Variants in LRRC75A observed in about 807,000 individuals in gnomAD.
LRRC75A encodes leucine rich repeat containing 75A.
A neutral mutation model predicts 26.0 loss-of-function variants in LRRC75A; 12 were observed. The ratio of observed to expected loss-of-function variants is 0.46; its 90% CI spans 0.30 to 0.75. The LOEUF is 0.75. Ranked by LOEUF, LRRC75A falls within the 30% of genes least tolerant of loss-of-function variation. The probability of loss-of-function intolerance (pLI) is 0.08; values close to 1 mark genes in which losing one functional copy is unlikely to be tolerated. For missense variants in LRRC75A, 410 were observed against 486.6 expected, an observed-to-expected ratio of 0.84 and a Z score of 1.48; for synonymous variants, 223 against 219.3, an observed-to-expected ratio of 1.02 and a Z score of -0.15.
intron 1 of LRRC75A, among the ~76,000 whole-genome samples, chr17:16,482,984 G>T (rs1217488639): frequency 1.3e-5 from 2 of 152,214 alleles, no homozygotes; most frequent in African/African-American, 2.4e-5. Flanking sequence ...AGGCTGGAGT[G>T]GGGACAGGCT....
At chr17:16,481,146 G>A (rs139840722) in intron 1 of LRRC75A, among the ~76,000 whole-genome samples, 45 of 152,344 alleles carry the variant, frequency 3.0e-4, no homozygotes, top group African/African-American at 9.1e-4. Context: ...GGACATTAGA[G>A]CCTCAGCGCT....
intron 3 of LRRC75A, among the ~76,000 whole-genome samples, chr17:16,445,185 TGAG>T (rs2093572860): frequency 1.1e-5 from 1 of 88,626 alleles, no homozygotes; most frequent in Admixed American, 1.1e-4. Context: ...TTTTTTTTTT[TGAG>T]ACAGTCTTGT....
At chr17:16,476,148 T>C (rs2093819215) in intron 1 of LRRC75A, among the ~76,000 whole-genome samples, 2 of 151,988 alleles carry the variant, frequency 1.3e-5, no homozygotes, top group African/African-American at 4.8e-5. Context: ...TGAGCTGAGA[T>C]TGCACCACTG....
Position 16,443,171 on chromosome 17 carries a change from G to GT in LRRC75A, c.*416dup, listed in dbSNP as rs2093548462. 1.2e-5 allele frequency: 2 copies of GT among 167,364 alleles called. No homozygotes were observed. Among genetic ancestry groups the GT allele is most frequent in the African/African-American group, 4.8e-5 (2 of 42,052 alleles). The allele number at this position is 167,364 out of a possible 1,614,324, so 10.4% of individuals were successfully genotyped here. A position where few individuals can be genotyped will look rare whatever the true frequency, so the allele number is the denominator to read the frequency against. On this transcript the variant is annotated 3_prime_UTR_variant, in exon 4 of 4. Transcript: ENST00000470794. Reference sequence around the variant, plus strand: ...GGACACATTCCTCTGGTTGGAGCTTGTTCCCCTAAATGAAAAATGTAATGC... The same window carrying GT: ...GGACACATTCCTCTGGTTGGAGCTTGTTTCCCCTAAATGAAAAATGTAATGC...
At chr17:16,484,226 C>T (rs1057256874) in intron 1 of LRRC75A, among the ~76,000 whole-genome samples, 1 of 152,136 alleles carries the variant, frequency 6.6e-6, no homozygotes, top group Non-Finnish European at 1.5e-5. Context: ...ATCCCAGCTA[C>T]TCAGGAGGCT....
intron 2 of LRRC75A, among the ~76,000 whole-genome samples, chr17:16,453,334 GCACACACGCACACGCA>G (rs2093650735): frequency 1.5e-5 from 2 of 133,320 alleles, no homozygotes; most frequent in Non-Finnish European, 3.3e-5. Context: ...ACACGCACAC[GCACACACGCACACGCA>G]CACACACACA....
intron 3 of LRRC75A, among the ~76,000 whole-genome samples, chr17:16,444,852 A>ATT (rs5819573): frequency 0.014 from 1,807 of 132,424 alleles, 48 homozygotes; most frequent in African/African-American, 0.044. Context: ...CATTTTCCAC[A>ATT]TTTTTTTTTT....
At chr17:16,454,922 CTT>C (rs2093664459) in intron 2 of LRRC75A, among the ~76,000 whole-genome samples, 4 of 150,720 alleles carry the variant, frequency 2.7e-5, no homozygotes, top group African/African-American at 9.7e-5. Flanking sequence ...CTTTTCTTTT[CTT>C]TTCTTTTCTT....
chr17:16,456,502 G>A (rs111923139), intron 2 of LRRC75A, among the ~76,000 whole-genome samples: 4 of 152,190 alleles, frequency 2.6e-5, no homozygotes, highest in African/African-American at 9.6e-5. Context: ...GGAAGAGGAG[G>A]AGGAAGCTGG....
chr17:16,467,499 C>T (rs1377741051), intron 1 of LRRC75A, among the ~76,000 whole-genome samples: 2 of 152,202 alleles, frequency 1.3e-5, no homozygotes, highest in African/African-American at 2.4e-5. Flanking sequence ...GGAAGTCACC[C>T]AGTACATGTT....
chr17:16,464,894 C>T (rs991468835), intron 1 of LRRC75A, among the ~76,000 whole-genome samples: 29 of 152,228 alleles, frequency 1.9e-4, no homozygotes, highest in African/African-American at 5.5e-4. Flanking sequence ...TTGTGTTCTA[C>T]GGTCTCAGAG....
chr17:16,481,729 C>G (rs1470635837), intron 1 of LRRC75A, among the ~76,000 whole-genome samples: 2 of 152,132 alleles, frequency 1.3e-5, no homozygotes, highest in Non-Finnish European at 1.5e-5. Context: ...TGTGCTTGTC[C>G]TCATCCTGCA....
Position 16,443,790 on chromosome 17 carries a change from G to C in LRRC75A, c.833C>G (p.Pro278Arg). The change falls in exon 4 of 4, where the codon CCC becomes CGC. Residue 278 changes from proline to arginine, a missense_variant. Transcript: ENST00000470794. The stretch of plus-strand genomic sequence containing the variant: ...GCGCAGGCTGAGCAGGAAGGGCTGG[G>C]GCAAGGAGAAGATGTCCACGTTGTT... ...LGNNVDIFSL[P>R]QPFLLSLRKR... 1 of 1,613,848 alleles carries C rather than the reference G, an allele frequency of 6.2e-7. No individual in the cohort carries two copies. The highest frequency in any genetic ancestry group is 8.5e-7 in the Non-Finnish European group (1 of 1,179,746).
At position 16,443,629 on chromosome 17, in the gene LRRC75A, G is replaced by T; in HGVS notation, c.994C>A (p.His332Asn). ...GCTACAGTCTCCTTGCCCTCATGGT[G>T]GTCTTCGGCAGGTGCCACAGGGCCC... is the stretch of plus-strand genomic sequence containing the variant. ...GGGPVAPAED[H>N]HEGKETVAAA... is the part of the protein sequence containing the mutation. The change falls in exon 4 of 4, where the codon CAC (histidine) becomes AAC (asparagine). Residue 332 changes from histidine (H) to asparagine (N), a missense_variant. By Grantham distance (68) the His-to-Asn change is moderately conservative. Coordinates refer to ENST00000470794, the MANE Select transcript of LRRC75A (RefSeq NM_001113567.3). 1 of 1,547,988 alleles carries T rather than the reference G, an allele frequency of 6.5e-7. No homozygotes were observed.
intron 1 of LRRC75A, among the ~76,000 whole-genome samples, chr17:16,484,363 A>AC (rs2093841424): frequency 7.5e-6 from 1 of 133,360 alleles, no homozygotes; most frequent in African/African-American, 3.0e-5. Flanking sequence ...AAACAAACAA[A>AC]AAACAAAAAA....
At chr17:16,467,419 A>G (rs537638867) in intron 1 of LRRC75A, among the ~76,000 whole-genome samples, 1 of 152,326 alleles carries the variant, frequency 6.6e-6, no homozygotes, top group South Asian at 2.1e-4. Flanking sequence ...GTACATGATC[A>G]CTGCCACTCA....
intron 2 of LRRC75A, among the ~76,000 whole-genome samples, chr17:16,450,819 G>A (rs931107148): frequency 2.6e-5 from 4 of 152,136 alleles, no homozygotes; most frequent in Non-Finnish European, 5.9e-5. Flanking sequence ...TATTGGAAGG[G>A]GCTGAGGGGA....
chr17:16,465,934 G>A (rs999036930), intron 1 of LRRC75A, among the ~76,000 whole-genome samples: 5 of 152,210 alleles, frequency 3.3e-5, no homozygotes, highest in African/African-American at 9.6e-5. Context: ...GGCCAACACC[G>A]GCCCGCCCTG....
chr17:16,477,305 C>T lies in LRRC75A; in HGVS notation c.246+14440G>A, dbSNP rs139116115. ...ATAAAATTAACCATCACAAGCTAAGCGTCTTCACCACTTTAAATCTCTAGG... is the reference window on the plus strand; with the variant it reads ...ATAAAATTAACCATCACAAGCTAAGTGTCTTCACCACTTTAAATCTCTAGG... On this transcript the variant is annotated intron_variant, in intron 1 of 3. Transcript: ENST00000470794. Among the ~76,000 whole-genome samples the T allele has an allele frequency of 6.7e-3, 1,024 of 152,344 alleles. 14 individuals carry two copies. Among genetic ancestry groups the T allele is most frequent in the Non-Finnish European group, 0.011 (723 of 68,030 alleles).
Sources: gnomAD v4.1 joint callset for allele counts (sites outside exome capture counted in the v4.1 genomes callset) on GRCh38, gnomAD v4.1.1 for gene constraint, MANE v1.5 for transcripts, NCBI Gene and HGNC (gene_info 2026-07-23, HGNC 2026-07-21) for gene names.